Variants in ARAP2 observed in about 807,000 individuals in gnomAD.
ARAP2 encodes ArfGAP with RhoGAP domain, ankyrin repeat and PH domain 2.
In ARAP2, 148 loss-of-function variants were observed where a neutral mutation model predicts 194.5. That is an observed-to-expected ratio of 0.76 (90% confidence interval 0.67 to 0.87). The LOEUF is 0.87. Ranked by LOEUF, ARAP2 falls within the 40% of genes least tolerant of loss-of-function variation. The probability of loss-of-function intolerance (pLI) is 0.00; values close to 1 mark genes in which losing one functional copy is unlikely to be tolerated. For missense variants in ARAP2, 2,128 were observed against 1,989.7 expected (o/e 1.07, Z -1.32); for synonymous variants, 695 against 683.5 (o/e 1.02, Z -0.26).
chr4:36,188,582 C>T (rs1741108342), intron 7 of ARAP2, among the ~76,000 whole-genome samples: 1 of 152,060 alleles, frequency 6.6e-6, no homozygotes, highest in Non-Finnish European at 1.5e-5. Context: ...AATAAGAGGA[C>T]AACAACATAG....
At chr4:36,073,271 C>A (rs1357973017) in intron 32 of ARAP2, among the ~76,000 whole-genome samples, 1 of 151,996 alleles carries the variant, frequency 6.6e-6, no homozygotes, top group African/African-American at 2.4e-5. Flanking sequence ...AACTGAGAGA[C>A]CCCATCAGTT....
chr4:36,193,648 C>T lies in ARAP2; in HGVS notation c.1488-1G>A. On this transcript the variant is annotated splice_acceptor_variant, in intron 6 of 32. Transcript: ENST00000303965. LOFTEE classifies it high-confidence loss of function. ...CCATCTCTTTTGAAACATGCGTTTT[C>T]TGCAAAACATATGAAATTGTTATTT... 1 of 1,599,260 alleles carries T rather than the reference C, an allele frequency of 6.3e-7. No homozygotes were observed. Among genetic ancestry groups the T allele is most frequent in the Non-Finnish European group, 8.5e-7 (1 of 1,173,344 alleles).
chr4:36,115,881 C>T (rs779746335), intron 25 of ARAP2, among the ~76,000 whole-genome samples: 6 of 151,978 alleles, frequency 3.9e-5, no homozygotes, highest in African/African-American at 9.7e-5. Context: ...AGTCCTTTAT[C>T]TAAACACACC....
At chr4:36,228,424 C>A (rs1265967531) in intron 2 of ARAP2, among the ~76,000 whole-genome samples, 158 bp downstream of exon 2, 1 of 151,866 alleles carries the variant, frequency 6.6e-6, no homozygotes, top group African/African-American at 2.4e-5. Flanking sequence ...GAAATAATGT[C>A]CAATGGGATG....
intron 9 of ARAP2, among the ~76,000 whole-genome samples, chr4:36,010,132 A>G (rs1387188514): frequency 6.6e-6 from 1 of 151,580 alleles, no homozygotes; most frequent in African/African-American, 2.4e-5. Flanking sequence ...CAGAGAAAAC[A>G]TTATAAATAA....
At chr4:36,138,460 T>G (rs1030665413) in intron 19 of ARAP2, among the ~76,000 whole-genome samples, 1 of 151,712 alleles carries the variant, frequency 6.6e-6, no homozygotes, top group Admixed American at 6.6e-5. Context: ...AGGAATGGAA[T>G]TACACAGTAT....
chr4:36,083,761 G>A (rs78718766), intron 28 of ARAP2, among the ~76,000 whole-genome samples: 243 of 152,208 alleles, frequency 1.6e-3, no homozygotes, highest in African/African-American at 5.6e-3. Context: ...GCATCATGTC[G>A]TGGTTAATAC....
At chr4:36,214,776 T>G (rs572965190) in intron 2 of ARAP2, among the ~76,000 whole-genome samples, 1 of 152,238 alleles carries the variant, frequency 6.6e-6, no homozygotes, top group Non-Finnish European at 1.5e-5. Flanking sequence ...CTCACATCTA[T>G]AATTTACAAA....
At chr4:36,093,660 T>C (rs1295521087) in intron 27 of ARAP2, among the ~76,000 whole-genome samples, 4 of 152,250 alleles carry the variant, frequency 2.6e-5, no homozygotes, top group Admixed American at 6.5e-5. Flanking sequence ...CAGGGGTACA[T>C]GTGCAGGTTT....
intron 31 of ARAP2, among the ~76,000 whole-genome samples, chr4:36,077,100 T>C (rs1204894649): frequency 2.0e-5 from 3 of 152,210 alleles, no homozygotes; most frequent in Middle Eastern, 3.4e-3. Context: ...CAGGGGTGAA[T>C]GCTGGCAGGA....
At chr4:36,114,585 G>A (rs1295789352) in intron 25 of ARAP2, among the ~76,000 whole-genome samples, 1 of 152,054 alleles carries the variant, frequency 6.6e-6, no homozygotes, top group South Asian at 2.1e-4. Flanking sequence ...AATGACCTTC[G>A]CCAGACAATG....
chr4:36,216,944 G>A (rs1337077724), intron 2 of ARAP2, among the ~76,000 whole-genome samples: 1 of 152,116 alleles, frequency 6.6e-6, no homozygotes, highest in Non-Finnish European at 1.5e-5. Context: ...TCACACATAG[G>A]TTACATGGTA....
intron 6 of ARAP2, among the ~76,000 whole-genome samples, chr4:36,205,606 A>G (rs969207532): frequency 6.6e-6 from 1 of 152,090 alleles, no homozygotes; most frequent in Non-Finnish European, 1.5e-5. Flanking sequence ...GTCCTGAAAA[A>G]AAAAAAAAAG....
chr4:36,109,511 A>G (rs1297343075), intron 26 of ARAP2, among the ~76,000 whole-genome samples: 1 of 151,968 alleles, frequency 6.6e-6, no homozygotes, highest in Non-Finnish European at 1.5e-5. Context: ...AAGCCAGATA[A>G]AATCTTTTGT....
chr4:36,228,603 G>T lies in ARAP2; in HGVS notation c.884C>A (p.Ser295Ter). 3.1e-6 allele frequency: 5 copies of T among 1,595,186 alleles called. No homozygotes were observed. Among genetic ancestry groups the T allele is most frequent in the Non-Finnish European group, 4.3e-6 (5 of 1,170,430 alleles). The change falls in exon 2 of 33, where the codon TCA becomes TAA. Residue 295 changes from serine (S) to a stop codon, truncating the protein, a stop_gained. Coordinates refer to ENST00000303965, the MANE Select transcript of ARAP2 (RefSeq NM_015230.4). LOFTEE classifies it high-confidence loss of function. ...RHRPVPEIPG[S>*]TKGVSGSYFR... ...TTACCTCCCAGAAACTCCTTTTGTT[G>T]ACCCTGGAATCTCTGGTACAGGTCG...
chr4:36,214,370 A>G (rs1747439990), intron 3 of ARAP2, 52 bp downstream of exon 3: 2 of 1,472,456 alleles, frequency 1.4e-6, no homozygotes, highest in Non-Finnish European at 1.9e-6. Flanking sequence ...TAACACAGTT[A>G]AGACTATCAA....
chr4:36,174,604 G>C (rs1030931507), intron 9 of ARAP2, among the ~76,000 whole-genome samples: 2 of 152,126 alleles, frequency 1.3e-5, no homozygotes, highest in African/African-American at 4.8e-5. Flanking sequence ...ATCACCTGGG[G>C]TGCTTTTTTG....
chr4:36,148,741 T>A (rs1469347894), intron 16 of ARAP2, among the ~76,000 whole-genome samples: 1 of 152,176 alleles, frequency 6.6e-6, no homozygotes, highest in African/African-American at 2.4e-5. Context: ...ATTGTATAAC[T>A]TTGTTTATGC....
intron 7 of ARAP2, among the ~76,000 whole-genome samples, chr4:36,193,342 A>T (rs1300572561): frequency 6.6e-6 from 1 of 152,242 alleles, no homozygotes; most frequent in African/African-American, 2.4e-5. Flanking sequence ...TATGAGCTAC[A>T]AAAAAGAGCA....
Sources: allele counts gnomAD v4.1 joint callset (sites outside exome capture counted in the v4.1 genomes callset), GRCh38; gene constraint gnomAD v4.1.1; transcripts MANE v1.5; gene names NCBI Gene and HGNC (gene_info 2026-07-23, HGNC 2026-07-21).